LMNTD1: variants seen among roughly 807,000 people sequenced by gnomAD.
The protein encoded by LMNTD1 is lamin tail domain-containing protein 1.
LMNTD1 carries 35 observed loss-of-function variants against 50.9 expected under a neutral mutation model. That is an observed-to-expected ratio of 0.69 (90% CI 0.53 to 0.91). The LOEUF is 0.91. LMNTD1 is among the 40% of genes least tolerant of loss of function. LMNTD1 has a pLI of 0.00. For synonymous variants in LMNTD1, 153 were observed against 161.9 expected (o/e 0.94, Z 0.42); for missense variants, 470 against 475.5 (o/e 0.99, Z 0.11).
At chr12:25,539,594 T>C (rs1942892543) in intron 4 of LMNTD1, among the ~76,000 whole-genome samples, 1 of 151,718 alleles carries the variant, frequency 6.6e-6, no homozygotes, top group South Asian at 2.1e-4. Flanking sequence ...GGGAAATTTA[T>C]AGCACTAAAT....
At chr12:25,588,954 A>G (rs943985811) in intron 1 of LMNTD1, among the ~76,000 whole-genome samples, 10 of 152,190 alleles carry the variant, frequency 6.6e-5, no homozygotes, top group Non-Finnish European at 1.5e-4. Context: ...TACTCATAAA[A>G]TATGTTTTAA....
At chr12:25,577,374 G>A (rs2136394804) in intron 1 of LMNTD1, among the ~76,000 whole-genome samples, 1 of 152,252 alleles carries the variant, frequency 6.6e-6, no homozygotes, top group East Asian at 1.9e-4. Context: ...TTGAGCAGTG[G>A]TTTGTAGTCC....
At chr12:25,579,295 A>T (rs1025160646) in intron 1 of LMNTD1, among the ~76,000 whole-genome samples, 2 of 152,130 alleles carry the variant, frequency 1.3e-5, no homozygotes, top group East Asian at 3.8e-4. Context: ...ATTATTACCT[A>T]AAAAACACAG....
At chr12:25,636,730 C>T (rs954999484) in intron 1 of LMNTD1, among the ~76,000 whole-genome samples, 2 of 152,134 alleles carry the variant, frequency 1.3e-5, no homozygotes, top group African/African-American at 4.8e-5. Flanking sequence ...GTGGAACCAA[C>T]TCAAATGCCC....
intron 1 of LMNTD1, among the ~76,000 whole-genome samples, chr12:25,637,354 C>G (rs1184642477): frequency 6.6e-6 from 1 of 151,966 alleles, no homozygotes; most frequent in Non-Finnish European, 1.5e-5. Context: ...ACCAAGTTTA[C>G]AGAATTAAAG....
rs1434209842 is a variant in LMNTD1, at chr12:25,526,214, C to T, written c.683G>A (p.Trp228Ter). Residue 228 changes from tryptophan to a stop codon, truncating the protein, a stop_gained, in exon 6 of 10, where the codon TGG becomes TAG. Transcript: ENST00000458174. LOFTEE classifies it high-confidence loss of function. ...VMQANSTVTV[W>*]AAASEAKHQP... ...ATGCTTTGCTTCAGATGCTGCTGCC[C>T]ACACCTGTAATAAAATTGTTAATGA... The T allele has an allele frequency of 1.9e-6, 3 of 1,605,206 alleles. No homozygotes were observed. Among genetic ancestry groups the T allele is most frequent in the Non-Finnish European group, 1.7e-6 (2 of 1,176,754 alleles).
At chr12:25,609,298 T>C (rs1946190943) in intron 1 of LMNTD1, among the ~76,000 whole-genome samples, 1 of 152,198 alleles carries the variant, frequency 6.6e-6, no homozygotes, top group Non-Finnish European at 1.5e-5. Context: ...AGTTTGTTAA[T>C]ACTGACCTTC....
intron 1 of LMNTD1, among the ~76,000 whole-genome samples, chr12:25,607,980 T>C (rs1054429362): frequency 1.3e-5 from 2 of 152,340 alleles, no homozygotes; most frequent in East Asian, 1.9e-4. Context: ...AGTCTCTTTG[T>C]AGGTCTCTCA....
intron 1 of LMNTD1, among the ~76,000 whole-genome samples, chr12:25,593,117 T>G (rs1423330433): frequency 9.1e-5 from 10 of 109,416 alleles, no homozygotes; most frequent in African/African-American, 3.5e-4. Flanking sequence ...TGCCCCCACC[T>G]AATGGTCCTT....
At chr12:25,537,349 G>A (rs1426215324) in intron 4 of LMNTD1, among the ~76,000 whole-genome samples, 2 of 152,206 alleles carry the variant, frequency 1.3e-5, no homozygotes, top group Non-Finnish European at 2.9e-5. Flanking sequence ...GAGAGCAGGG[G>A]TTCTCCCAGT....
At chr12:25,512,045 C>G (rs1940338322) in intron 8 of LMNTD1, among the ~76,000 whole-genome samples, 1 of 152,148 alleles carries the variant, frequency 6.6e-6, no homozygotes, top group African/African-American at 2.4e-5. Context: ...TCTTAAACAG[C>G]AAATCTTTCC....
At chr12:25,603,841 T>C (rs1036562734) in intron 1 of LMNTD1, among the ~76,000 whole-genome samples, 1 of 151,954 alleles carries the variant, frequency 6.6e-6, no homozygotes, top group African/African-American at 2.4e-5. Flanking sequence ...TCTCAAAAAG[T>C]GACATACGAT....
At chr12:25,590,257 T>C (rs1945655610) in intron 1 of LMNTD1, among the ~76,000 whole-genome samples, 1 of 152,002 alleles carries the variant, frequency 6.6e-6, no homozygotes, top group East Asian at 1.9e-4. Context: ...GAGAAGGAGA[T>C]CACAGCAATT....
intron 6 of LMNTD1, among the ~76,000 whole-genome samples, chr12:25,524,364 A>G (rs983149037): frequency 1.3e-5 from 2 of 152,204 alleles, no homozygotes; most frequent in African/African-American, 4.8e-5. Flanking sequence ...GTATGGATCA[A>G]TCAGTCAGGT....
intron 8 of LMNTD1, among the ~76,000 whole-genome samples, chr12:25,512,323 A>G (rs767729309): frequency 1.9e-4 from 29 of 152,242 alleles, no homozygotes; most frequent in Non-Finnish European, 4.0e-4. Flanking sequence ...AAAAGAAAAA[A>G]TATCCCTAGT....
At chr12:25,571,367 A>T (rs185901910) in intron 1 of LMNTD1, among the ~76,000 whole-genome samples, 1 of 73,766 alleles carries the variant, frequency 1.4e-5, no homozygotes, top group African/African-American at 3.2e-5. Flanking sequence ...TTATTTATTT[A>T]TTTATTTATT....
chr12:25,479,651 A>G (rs1221132260), intron 9 of LMNTD1, among the ~76,000 whole-genome samples: 1 of 152,236 alleles, frequency 6.6e-6, no homozygotes, highest in African/African-American at 2.4e-5. Flanking sequence ...GTGGAATACC[A>G]TGACGGTGGA....
At chr12:25,639,475 C>G (rs1331659403) in intron 1 of LMNTD1, among the ~76,000 whole-genome samples, 1 of 151,874 alleles carries the variant, frequency 6.6e-6, no homozygotes, top group Non-Finnish European at 1.5e-5. Flanking sequence ...AAAAGACAAA[C>G]AATGCAATTT....
intron 9 of LMNTD1, among the ~76,000 whole-genome samples, chr12:25,477,770 C>CAT (rs1375135440): frequency 6.6e-5 from 10 of 151,972 alleles, no homozygotes; most frequent in East Asian, 1.9e-4. Context: ...TAAGGGATAC[C>CAT]ATATATATAC....
Sources: allele counts gnomAD v4.1 joint callset (sites outside exome capture counted in the v4.1 genomes callset), GRCh38; gene constraint gnomAD v4.1.1; transcripts MANE v1.5; gene names NCBI Gene and HGNC (gene_info 2026-07-23, HGNC 2026-07-21).